CAND2: variants seen among roughly 807,000 people sequenced by gnomAD.
The protein encoded by CAND2 is cullin-associated NEDD8-dissociated protein 2.
Under a neutral mutation model 98.9 loss-of-function variants are expected in CAND2, and 62 were observed. That is an observed-to-expected ratio of 0.63 (90% CI 0.51 to 0.77). The LOEUF (loss-of-function observed/expected upper bound fraction) is 0.77, where lower values mean the gene tolerates loss of function less well. Among genes scored for constraint, CAND2 ranks in the 30% least tolerant of loss-of-function variants. CAND2 has a pLI of 0.00. For missense variants in CAND2, 1,501 were observed against 1,655.2 expected, an observed-to-expected ratio of 0.91 and a Z score of 1.62; for synonymous variants, 770 against 731.9, an observed-to-expected ratio of 1.05 and a Z score of -0.84.
chr3:12,804,411 C>A (rs554316889), intron 2 of CAND2, among the ~76,000 whole-genome samples: 1 of 152,168 alleles, frequency 6.6e-6, no homozygotes, highest in South Asian at 2.1e-4. Flanking sequence ...TGCAGTGAGC[C>A]AAGATTGCGC....
intron 2 of CAND2, among the ~76,000 whole-genome samples, chr3:12,806,374 G>A (rs752256176): frequency 2.6e-5 from 4 of 152,148 alleles, no homozygotes; most frequent in Non-Finnish European, 5.9e-5. Flanking sequence ...TTGAAACCCT[G>A]TATTCCCTGC....
chr3:12,819,463 C>A (rs907305904), intron 10 of CAND2, among the ~76,000 whole-genome samples: 5 of 152,202 alleles, frequency 3.3e-5, no homozygotes, highest in Non-Finnish European at 7.3e-5. Context: ...GAATGTACTT[C>A]CCCTCTTTAC....
chr3:12,820,052 G>T, intron 10 of CAND2, 34 bp from the exon 11 acceptor site: 1 of 1,574,050 alleles, frequency 6.4e-7, no homozygotes, highest in Non-Finnish European at 8.7e-7. Context: ...ATTGGCCCCT[G>T]CCCCTCACTA....
At chr3:12,821,233 C>CA (rs10589402) in intron 11 of CAND2, among the ~76,000 whole-genome samples, 45 of 139,872 alleles carry the variant, frequency 3.2e-4, no homozygotes, top group South Asian at 3.1e-3. Flanking sequence ...GACTCCGTCT[C>CA]AAAAAAAAAA....
At chr3:12,814,306 T>C (rs897201789) in intron 7 of CAND2, among the ~76,000 whole-genome samples, 1 of 152,212 alleles carries the variant, frequency 6.6e-6, no homozygotes, top group Non-Finnish European at 1.5e-5. Flanking sequence ...TGTCCCCCTC[T>C]GAGCCTCCTG....
chr3:12,834,159 C>T lies in CAND2; in HGVS notation c.*177C>T, dbSNP rs1236452670. ...CTCCAGGGACCCAACTCAAAGGCCC[C>T]CAGCCCAAGCTGTGAGGCTGCCAAC... is the stretch of plus-strand genomic sequence containing the variant. On this transcript the variant is annotated 3_prime_UTR_variant, in exon 15 of 15. Transcript: ENST00000456430. 1 of 604,362 alleles carries T rather than the reference C, an allele frequency of 1.7e-6. No homozygotes were observed. The highest frequency in any genetic ancestry group is 2.9e-6 in the Non-Finnish European group (1 of 341,562). The allele number at this position is 604,362 out of a possible 1,614,324, so 37.4% of individuals were successfully genotyped here. A position where few individuals can be genotyped will look rare whatever the true frequency, so the allele number is the denominator to read the frequency against.
At chr3:12,818,413 C>G (rs1281203238) in intron 10 of CAND2, among the ~76,000 whole-genome samples, 2 of 152,270 alleles carry the variant, frequency 1.3e-5, no homozygotes, top group African/African-American at 2.4e-5. Flanking sequence ...TTTCGGCTAG[C>G]CTGAGCCAAG....
chr3:12,814,110 T>C (rs2061876999), intron 7 of CAND2, among the ~76,000 whole-genome samples: 1 of 152,210 alleles, frequency 6.6e-6, no homozygotes, highest in African/African-American at 2.4e-5. Flanking sequence ...GGATGTGTGT[T>C]CGTGGGTGGC....
chr3:12,798,927 G>A (rs1220439803), intron 1 of CAND2, among the ~76,000 whole-genome samples: 2 of 145,614 alleles, frequency 1.4e-5, no homozygotes, highest in Non-Finnish European at 3.0e-5. Context: ...GCGGGGCAGC[G>A]ACTGCAAATG....
At position 12,803,479 on chromosome 3, in the gene CAND2, C is replaced by T. The variant is rs2061781825; in HGVS notation, c.69-9C>T. 2 of 1,598,336 alleles carry T rather than the reference C, an allele frequency of 1.3e-6. No individual in the cohort carries two copies. Among genetic ancestry groups the T allele is most frequent in the Non-Finnish European group, 1.7e-6 (2 of 1,172,148 alleles). ...CTGCTCAGCAATCTCCTCCACCCTC[C>T]CTGTGCAGGTTCATGGCCACCAGCG... On this transcript the variant is annotated splice_polypyrimidine_tract_variant and intron_variant, in intron 1 of 14. Coordinates refer to ENST00000456430, the MANE Select transcript of CAND2 (RefSeq NM_001162499.2).
Position 12,827,679 on chromosome 3 carries a change from G to C in CAND2, c.3375+75G>C, listed in dbSNP as rs1394794912. The C allele has an allele frequency of 5.7e-6, 8 of 1,392,700 alleles. No homozygotes were observed. The East Asian group carries it at 1.6e-4, about 28-fold the overall frequency. The allele number at this position is 1,392,700 out of a possible 1,614,324, so 86.3% of individuals were successfully genotyped here. A position where few individuals can be genotyped will look rare whatever the true frequency, so the allele number is the denominator to read the frequency against. ...GTCGGGCACCATTGGGGCCATGCTT[G>C]TTTGTCCTTGCTCCCTACTCCAGGC... is the stretch of plus-strand genomic sequence containing the variant. On this transcript the variant is annotated intron_variant, in intron 13 of 14. Coordinates refer to ENST00000456430, the MANE Select transcript of CAND2 (RefSeq NM_001162499.2).
intron 13 of CAND2, among the ~76,000 whole-genome samples, chr3:12,830,222 A>G (rs1056181458): frequency 1.3e-5 from 2 of 152,218 alleles, no homozygotes; most frequent in East Asian, 1.9e-4. Context: ...AAGAAACAAC[A>G]TAAGTTCTCT....
chr3:12,803,152 G>A (rs1236521223), intron 1 of CAND2, among the ~76,000 whole-genome samples: 1 of 152,034 alleles, frequency 6.6e-6, no homozygotes, highest in Non-Finnish European at 1.5e-5. Context: ...ACCACACCTG[G>A]CTAATTTTTT....
Position 12,803,519 on chromosome 3 carries a change from T to G in CAND2, c.100T>G (p.Leu34Val). The G allele has an allele frequency of 6.2e-7, 1 of 1,611,878 alleles. No homozygotes were observed. The highest frequency in any genetic ancestry group is 8.5e-7 in the Non-Finnish European group (1 of 1,178,980). ...GGCCACCAGCGACCTGATGTCGGAG[T>G]TGCAGAAGGACTCCATCCAGCTGGA... ...FMATSDLMSE[L>V]QKDSIQLDED... The change falls in exon 2 of 15, where the codon TTG becomes GTG. Residue 34 changes from leucine to valine, a missense_variant. Physicochemically the swap from Leu to Val is conservative, Grantham distance 32. This residue lies in a region of CAND2 where 62 missense variants were observed against 77.3 expected (regional missense o/e 0.80). Transcript: ENST00000456430.
Position 12,796,686 on chromosome 3 carries a change from C to G in CAND2, c.-35C>G. On this transcript the variant is annotated 5_prime_UTR_variant, in exon 1 of 15. Coordinates refer to ENST00000456430, the MANE Select transcript of CAND2 (RefSeq NM_001162499.2). ...AGGGGGCGCCCGCGCCGCCATATTC[C>G]CTCCCGCCGGCCGGCTCCGCGGCGC... The G allele has an allele frequency of 2.6e-6, 4 of 1,555,444 alleles. No individual in the cohort carries two copies. The South Asian group carries it at 4.7e-5, about 18-fold the overall frequency.
chr3:12,819,317 A>C (rs918669977), intron 10 of CAND2, among the ~76,000 whole-genome samples: 1 of 152,214 alleles, frequency 6.6e-6, no homozygotes, highest in South Asian at 2.1e-4. Flanking sequence ...GGCTGAACAT[A>C]AAGCCTGTGG....
Position 12,803,628 on chromosome 3 carries a change from AGTG to A in CAND2, c.212+1_212+3del. The A allele has an allele frequency of 1.2e-6, 2 of 1,603,958 alleles. No homozygotes were observed. The highest frequency in any genetic ancestry group is 1.7e-6 in the Non-Finnish European group (2 of 1,174,524). ...GGTGAGGTGCAGAACCTGGCTGTCAAGTGGTGAGTGTCAGCCTCGGTGGAGCAG... is the reference window on the plus strand; with the variant it reads ...GGTGAGGTGCAGAACCTGGCTGTCAAGTGAGTGTCAGCCTCGGTGGAGCAG... On this transcript the variant is annotated inframe_deletion and splice_region_variant, in exon 2 of 15. Transcript: ENST00000456430.
In CAND2 at chr3:12,820,609, C is replaced by T. The variant is rs560741998; in HGVS notation, c.3040+428C>T. ...GTGGGGCAGGGAAGAGTGCTCCCCC[C>T]GGCCCCGCCTGTCCACTAGATCGCC... is the stretch of plus-strand genomic sequence containing the variant. On this transcript the variant is annotated intron_variant, in intron 11 of 14. Coordinates refer to ENST00000456430, the MANE Select transcript of CAND2 (RefSeq NM_001162499.2). Among the ~76,000 whole-genome samples, 19 of 152,336 alleles carry T rather than the reference C, an allele frequency of 1.2e-4. No homozygotes were observed. In the South Asian group the frequency reaches 2.5e-3, roughly 20 times the overall value.
chr3:12,810,552 T>C lies in CAND2; in HGVS notation c.757+228T>C, dbSNP rs1575767778. ...GCAGAGGTTGGGGCCGGATAGGGCT[T>C]GAGAGGCGCAGGGCGGGCCCTGAGC... On this transcript the variant is annotated intron_variant, in intron 5 of 14. Transcript: ENST00000456430. Among the ~76,000 whole-genome samples, 3 of 152,212 alleles carry C rather than the reference T, an allele frequency of 2.0e-5. No individual in the cohort carries two copies. The East Asian group carries it at 5.8e-4, about 29-fold the overall frequency.
Sources: gnomAD v4.1 joint callset for allele counts (sites outside exome capture counted in the v4.1 genomes callset) on GRCh38, gnomAD v4.1.1 for gene constraint, gnomAD v4.1.1 regional missense constraint, MANE v1.5 for transcripts, NCBI Gene and HGNC (gene_info 2026-07-23, HGNC 2026-07-21) for gene names.